Variants in PALS2 observed in about 807,000 individuals in gnomAD.
The protein encoded by PALS2 is protein PALS2.
PALS2 carries 27 observed loss-of-function variants against 61.6 expected under a neutral mutation model. That is an observed-to-expected ratio of 0.44 (90% CI 0.32 to 0.60). The LOEUF (loss-of-function observed/expected upper bound fraction) is 0.60, where lower values mean the gene tolerates loss of function less well. PALS2 is among the 20% of genes least tolerant of loss of function. The pLI, the probability that PALS2 is intolerant of heterozygous loss-of-function variation, is 0.05. For missense variants in PALS2, 554 were observed against 639.4 expected (o/e 0.87, Z 1.44); for synonymous variants, 236 against 218.6 (o/e 1.08, Z -0.70).
rs1439997717 is a variant in PALS2 at position 24,594,533 on chromosome 7, A to G, written c.-3+20940A>G. ...TCCTCTTCCTTTCACTTGAACTCTTAGAGATTATTGTAGAATTATTAATTA... is the reference window on the plus strand; with the variant it reads ...TCCTCTTCCTTTCACTTGAACTCTTGGAGATTATTGTAGAATTATTAATTA... On this transcript the variant is annotated intron_variant, in intron 1 of 11. Coordinates refer to ENST00000222644, the MANE Select transcript of PALS2 (RefSeq NM_001303037.2). Among the ~76,000 whole-genome samples, 3 of 152,094 alleles carry G rather than the reference A, an allele frequency of 2.0e-5. No homozygotes were observed. In the East Asian group the frequency reaches 5.8e-4, roughly 29 times the overall value.
At chr7:24,605,325 C>T (rs1783858172) in intron 1 of PALS2, among the ~76,000 whole-genome samples, 1 of 152,090 alleles carries the variant, frequency 6.6e-6, no homozygotes. Context: ...TGCCATGTTC[C>T]TCAGACGCTA....
At chr7:24,655,760 A>G (rs1223163231) in intron 5 of PALS2, among the ~76,000 whole-genome samples, 1 of 150,822 alleles carries the variant, frequency 6.6e-6, no homozygotes, top group Non-Finnish European at 1.5e-5. Context: ...GCCCGGGTTC[A>G]AGTAATTTTC....
At chr7:24,642,569 C>T (rs574571475) in intron 3 of PALS2, among the ~76,000 whole-genome samples, 30 of 152,192 alleles carry the variant, frequency 2.0e-4, no homozygotes, top group Admixed American at 1.8e-3. Flanking sequence ...ACTGCATTTT[C>T]GTGGAAAAAG....
At chr7:24,662,254 G>T (rs934102744) in intron 5 of PALS2, among the ~76,000 whole-genome samples, 1 of 151,966 alleles carries the variant, frequency 6.6e-6, no homozygotes, top group East Asian at 1.9e-4. Flanking sequence ...TGTATGCATC[G>T]ATCACAATAC....
intron 1 of PALS2, among the ~76,000 whole-genome samples, chr7:24,598,078 T>C (rs1249134447): frequency 2.6e-5 from 4 of 152,178 alleles, no homozygotes; most frequent in Non-Finnish European, 4.4e-5. Context: ...CTGCCTATAT[T>C]GAAATGTGTG....
chr7:24,687,309 AT>A lies in PALS2; in HGVS notation c.1447-125del, dbSNP rs1788258304. On this transcript the variant is annotated intron_variant, in intron 11 of 11. Coordinates refer to ENST00000222644, the MANE Select transcript of PALS2 (RefSeq NM_001303037.2). This position sits in a 1 kb window ranked among gnomAD's most constrained non-coding sequence, Gnocchi z 4.5. The stretch of plus-strand genomic sequence containing the variant: ...TTGTCTTTAACACTATATGGATTAG[AT>A]TTTGAAGATTAATACCAGAATTACC... 2 of 689,394 alleles carry A rather than the reference AT, an allele frequency of 2.9e-6. No individual in the cohort carries two copies. Among genetic ancestry groups the A allele is most frequent in the Admixed American group, 3.2e-5 (1 of 31,200 alleles). The allele number at this position is 689,394 out of a possible 1,614,324, so 42.7% of individuals were successfully genotyped here. A position where few individuals can be genotyped will look rare whatever the true frequency, so the allele number is the denominator to read the frequency against.
chr7:24,670,174 G>C (rs1787225755), intron 9 of PALS2, among the ~76,000 whole-genome samples: 1 of 152,070 alleles, frequency 6.6e-6, no homozygotes, highest in Non-Finnish European at 1.5e-5. Context: ...TGTATTTTCA[G>C]TTAGTTCAAT....
chr7:24,640,314 A>G (rs1291022431), intron 2 of PALS2, among the ~76,000 whole-genome samples: 1 of 151,934 alleles, frequency 6.6e-6, no homozygotes, highest in Non-Finnish European at 1.5e-5. Flanking sequence ...AACTTATTTT[A>G]CTCCTGTGAA....
At chr7:24,643,388 C>A (rs539794581) in intron 3 of PALS2, among the ~76,000 whole-genome samples, 2 of 152,258 alleles carry the variant, frequency 1.3e-5, no homozygotes, top group East Asian at 3.9e-4. Flanking sequence ...ACCCAGATCA[C>A]TATTGTACTC....
intron 2 of PALS2, chr7:24,624,141 T>C (rs1784637624): frequency 2.3e-6 from 3 of 1,286,932 alleles, no homozygotes; most frequent in Non-Finnish European, 3.1e-6. Flanking sequence ...CATTAGACTG[T>C]GTACCTACTT....
In PALS2 at chr7:24,679,139, C is replaced by T. The variant is rs1554315658; in HGVS notation, c.1123C>T (p.Arg375Trp). ...AACACTATTTTATTTAGTTACTTCA[C>T]GGAAACCAAGGGAAGATGAAAAAGA... ...RFGTTVPFTS[R>W]KPREDEKDGQ... The change falls in exon 10 of 12, where the codon CGG (arginine) becomes TGG (tryptophan). Residue 375 changes from arginine to tryptophan, a missense_variant. By Grantham distance (101) the Arg-to-Trp change is moderately radical. Transcript: ENST00000222644. 3.1e-6 allele frequency: 5 copies of T among 1,613,354 alleles called. No individual in the cohort carries two copies. The highest frequency in any genetic ancestry group is 4.2e-6 in the Non-Finnish European group (5 of 1,179,448).
At chr7:24,662,300 G>A (rs1489623175) in intron 5 of PALS2, among the ~76,000 whole-genome samples, 1 of 152,096 alleles carries the variant, frequency 6.6e-6, no homozygotes, top group Non-Finnish European at 1.5e-5. Context: ...GTCTACTTGT[G>A]TTATTTGAAT....
chr7:24,641,519 A>T (rs920422596), intron 2 of PALS2, among the ~76,000 whole-genome samples, 197 bp from the exon 3 acceptor site: 15 of 152,090 alleles, frequency 9.9e-5, no homozygotes, highest in African/African-American at 2.9e-4. Flanking sequence ...ATAGAACTAG[A>T]GGCCAAGATT....
intron 9 of PALS2, 38 bp from the exon 10 acceptor site, chr7:24,679,093 A>G (rs755496668): frequency 1.3e-6 from 2 of 1,591,136 alleles, no homozygotes; most frequent in African/African-American, 1.3e-5. Flanking sequence ...ATGCCCTAAA[A>G]TTTCTTTGTA....
chr7:24,653,307 C>T (rs1257367138), intron 5 of PALS2, among the ~76,000 whole-genome samples: 1 of 151,600 alleles, frequency 6.6e-6, no homozygotes, highest in Admixed American at 6.6e-5. Flanking sequence ...AGAGAATAAC[C>T]TCAATGGAGA....
intron 2 of PALS2, among the ~76,000 whole-genome samples, chr7:24,631,038 A>C (rs1337475771): frequency 6.6e-6 from 1 of 152,226 alleles, no homozygotes; most frequent in Non-Finnish European, 1.5e-5. Context: ...TTGACTTTCA[A>C]GTCTTAGTTA....
In PALS2 at chr7:24,690,937, A is replaced by C. The variant is rs1311279080; in HGVS notation, c.*3323A>C. The stretch of plus-strand genomic sequence containing the variant: ...AGCAACAAATAGATTATTAAGGCAA[A>C]TTTAGATAATAACCCAAGTTAGCAA... On this transcript the variant is annotated 3_prime_UTR_variant, in exon 12 of 12. Coordinates refer to ENST00000222644, the MANE Select transcript of PALS2 (RefSeq NM_001303037.2). 3 of 152,182 alleles carry C rather than the reference A, an allele frequency of 2.0e-5. No individual in the cohort carries two copies. The highest frequency in any genetic ancestry group is 4.4e-5 in the Non-Finnish European group (3 of 68,008). The allele number at this position is 152,182 out of a possible 1,614,324, so 9.4% of individuals were successfully genotyped here. A position where few individuals can be genotyped will look rare whatever the true frequency, so the allele number is the denominator to read the frequency against.
chr7:24,601,981 G>A (rs1783735977), intron 1 of PALS2, among the ~76,000 whole-genome samples: 1 of 152,060 alleles, frequency 6.6e-6, no homozygotes, highest in African/African-American at 2.4e-5. Context: ...TCTGGAAAAT[G>A]TTAAATATTT....
chr7:24,668,650 T>G lies in PALS2; in HGVS notation c.1104T>G (p.Thr368=). Residue 368 remains threonine (T), a synonymous_variant, in exon 9 of 12, where the codon ACT becomes ACG. Transcript: ENST00000222644. ...TATTGAATCCCACTAGATTTGGAAC[T>G]ACGGTGCCATGTAAGTTTTCTGTGT... ...FIVLNPTRFG[T]TVPFTSRKPR... 1.9e-6 allele frequency: 3 copies of G among 1,613,828 alleles called. No individual in the cohort carries two copies. In the South Asian group the frequency reaches 3.3e-5, roughly 18 times the overall value.
Sources: gnomAD v4.1 joint callset for allele counts (sites outside exome capture counted in the v4.1 genomes callset) on GRCh38, gnomAD v4.1.1 for gene constraint, Gnocchi (gnomAD v3.1) non-coding constraint, MANE v1.5 for transcripts, NCBI Gene and HGNC (gene_info 2026-07-23, HGNC 2026-07-21) for gene names.